VPS35L: variants seen among roughly 807,000 people sequenced by gnomAD.
The protein encoded by VPS35L is VPS35 endosomal protein-sorting factor-like.
VPS35L carries 83 observed loss-of-function variants against 133.0 expected under a neutral mutation model. The observed-to-expected ratio is 0.62, with a 90% CI of 0.52 to 0.75. The LOEUF is 0.75. Among genes scored for constraint, VPS35L ranks in the 30% least tolerant of loss-of-function variants. VPS35L has a pLI of 0.00. For synonymous variants in VPS35L, 423 were observed against 449.9 expected (o/e 0.94, Z 0.76); for missense variants, 1,083 against 1,206.8 (o/e 0.90, Z 1.52).
chr16:19,671,032 C>T (rs1347800190), intron 27 of VPS35L, among the ~76,000 whole-genome samples: 1 of 152,144 alleles, frequency 6.6e-6, no homozygotes, highest in Non-Finnish European at 1.5e-5. Context: ...AGTTATTAAG[C>T]CCATTGCTAG....
chr16:19,662,354 T>TA (rs1282489746), intron 26 of VPS35L, among the ~76,000 whole-genome samples: 3 of 147,006 alleles, frequency 2.0e-5, no homozygotes, highest in Admixed American at 6.7e-5. Flanking sequence ...AAAAAAAAAA[T>TA]ACAAAAATTA....
intron 1 of VPS35L, among the ~76,000 whole-genome samples, chr16:19,557,191 C>T (rs758808876): frequency 6.6e-6 from 1 of 152,138 alleles, no homozygotes; most frequent in Non-Finnish European, 1.5e-5. Flanking sequence ...TAACCAAAAA[C>T]ATGAGAAACA....
chr16:19,582,070 G>A (rs1304637283), intron 7 of VPS35L: 1 of 159,902 alleles, frequency 6.3e-6, no homozygotes, highest in Non-Finnish European at 1.4e-5. Context: ...CCTAATAAAT[G>A]AATATTTCAG....
At chr16:19,643,035 A>T (rs568341433) in intron 22 of VPS35L, among the ~76,000 whole-genome samples, 1 of 152,350 alleles carries the variant, frequency 6.6e-6, no homozygotes, top group South Asian at 2.1e-4. Context: ...TTTTAAACAC[A>T]GCAACTTGAT....
intron 4 of VPS35L, among the ~76,000 whole-genome samples, chr16:19,574,193 G>C (rs1280641463): frequency 6.6e-6 from 1 of 152,178 alleles, no homozygotes; most frequent in African/African-American, 2.4e-5. Flanking sequence ...GAGGAGAGGA[G>C]TCCAGGGCTG....
In VPS35L at chr16:19,628,895, G is replaced by A. The variant is rs1236929172; in HGVS notation, c.1500+142G>A. 1.5e-4 allele frequency: 42 copies of A among 285,104 alleles called. 1 individual carries two copies. Among genetic ancestry groups the A allele is most frequent in the African/African-American group, 8.0e-4 (36 of 45,084 alleles). 17.7% of individuals were successfully genotyped at this position (285,104 alleles called of 1,614,324 possible). A position where few individuals can be genotyped will look rare whatever the true frequency, so the allele number is the denominator to read the frequency against. ...CAACCTCTGCCTCCTGGGTTCAAGC[G>A]ATTCTTCTGCCTCAGCCTCCCGAGT... is the stretch of plus-strand genomic sequence containing the variant. On this transcript the variant is annotated intron_variant, in intron 17 of 30. Transcript: ENST00000417362.
At chr16:19,557,281 A>G (rs1271588647) in intron 1 of VPS35L, among the ~76,000 whole-genome samples, 2 of 152,300 alleles carry the variant, frequency 1.3e-5, no homozygotes, top group Middle Eastern at 3.4e-3. Context: ...ATCCCAGTAC[A>G]TTTCTACCTT....
chr16:19,607,960 C>T, intron 9 of VPS35L: 1 of 524,420 alleles, frequency 1.9e-6, no homozygotes, highest in East Asian at 3.0e-5. Context: ...ATCAGGTGAG[C>T]TGTCTGTAAA....
intron 7 of VPS35L, among the ~76,000 whole-genome samples, chr16:19,583,452 T>C (rs927215807): frequency 6.6e-5 from 10 of 152,202 alleles, no homozygotes; most frequent in Non-Finnish European, 1.3e-4. Context: ...TTTTGATACA[T>C]GTATCCCGTG....
intron 26 of VPS35L, among the ~76,000 whole-genome samples, chr16:19,656,774 G>A (rs572860533): frequency 2.0e-5 from 3 of 151,944 alleles, no homozygotes; most frequent in Non-Finnish European, 4.4e-5. Context: ...TATACAGTAC[G>A]TTGAGAGCTG....
At chr16:19,561,496 T>C (rs536583378) in intron 1 of VPS35L, among the ~76,000 whole-genome samples, 3 of 152,196 alleles carry the variant, frequency 2.0e-5, no homozygotes, top group Non-Finnish European at 4.4e-5. Context: ...GGAGCTCAAT[T>C]CGTTTGTGCT....
rs1056727491 is a variant in VPS35L at position 19,628,487 on chromosome 16, A to G, written c.1384-150A>G. ...GAGCCTCTCAGTGTAGCTGGGGCAG[A>G]TATGTGTGATAGAACTTTAGAAGGA... On this transcript the variant is annotated intron_variant, in intron 16 of 30. Transcript: ENST00000417362. 2.0e-5 allele frequency: 10 copies of G among 497,098 alleles called. No individual in the cohort carries two copies. The Admixed American group carries it at 2.8e-4, about 14-fold the overall frequency. The allele number at this position is 497,098 out of a possible 1,614,324, so 30.8% of individuals were successfully genotyped here. A position where few individuals can be genotyped will look rare whatever the true frequency, so the allele number is the denominator to read the frequency against.
chr16:19,636,932 A>G (rs6497394), intron 19 of VPS35L, among the ~76,000 whole-genome samples: 5 of 151,942 alleles, frequency 3.3e-5, no homozygotes, highest in Non-Finnish European at 7.4e-5. Flanking sequence ...TTGGCCTTTA[A>G]CTCTACCAGC....
chr16:19,665,526 C>G (rs1413397816), intron 26 of VPS35L, among the ~76,000 whole-genome samples: 2 of 152,208 alleles, frequency 1.3e-5, no homozygotes, highest in Non-Finnish European at 2.9e-5. Context: ...TTTTTTATGG[C>G]TGCATAGTAC....
chr16:19,609,602 C>T (rs1972645957), intron 11 of VPS35L, among the ~76,000 whole-genome samples: 1 of 152,204 alleles, frequency 6.6e-6, no homozygotes. Context: ...GATCTGCTTT[C>T]TGCAGAGCAG....
intron 27 of VPS35L, among the ~76,000 whole-genome samples, chr16:19,670,802 G>T (rs1181389981): frequency 1.3e-5 from 2 of 152,170 alleles, no homozygotes; most frequent in African/African-American, 2.4e-5. Flanking sequence ...CTGGCAGAGT[G>T]ACATGAATTT....
intron 2 of VPS35L, chr16:19,569,181 A>G: frequency 1.5e-6 from 1 of 652,818 alleles, no homozygotes; most frequent in Non-Finnish European, 2.8e-6. Context: ...CAGTCCAGTG[A>G]CCTCTCAATT....
intron 19 of VPS35L, among the ~76,000 whole-genome samples, chr16:19,635,194 A>G (rs1364542184): frequency 6.6e-6 from 1 of 152,008 alleles, no homozygotes; most frequent in Non-Finnish European, 1.5e-5. Context: ...AAAAAAAGAA[A>G]GAAATTAGCC....
intron 29 of VPS35L, among the ~76,000 whole-genome samples, chr16:19,695,285 A>G (rs987002365): frequency 2.6e-5 from 4 of 152,252 alleles, no homozygotes; most frequent in African/African-American, 9.6e-5. Context: ...CACTGACAGC[A>G]TAAATGATCA....
Sources: allele counts gnomAD v4.1 joint callset (sites outside exome capture counted in the v4.1 genomes callset), GRCh38; gene constraint gnomAD v4.1.1; transcripts MANE v1.5; gene names NCBI Gene and HGNC (gene_info 2026-07-23, HGNC 2026-07-21).